IFT88: variants seen among roughly 807,000 people sequenced by gnomAD.
The protein encoded by IFT88 is intraflagellar transport protein 88 homolog.
IFT88 carries 74 observed loss-of-function variants against 119.5 expected under a neutral mutation model. The observed-to-expected ratio is 0.62, with a 90% CI of 0.51 to 0.75. The LOEUF (loss-of-function observed/expected upper bound fraction) is 0.75, where lower values mean the gene tolerates loss of function less well. IFT88 is among the 30% of genes least tolerant of loss of function. The pLI is 0.00. For synonymous variants in IFT88, 279 were observed against 316.7 expected (o/e 0.88, Z 1.26); for missense variants, 961 against 977.7 (o/e 0.98, Z 0.23).
Position 20,605,020 on chromosome 13 carries a change from A to T in IFT88, c.1042-15A>T. ...TTCTGAATTATTCTTTTTTTCTTCC[A>T]TTTTATTTTACCAGGATGATCCTCA... On this transcript the variant is annotated splice_polypyrimidine_tract_variant and intron_variant, in intron 12 of 25. Coordinates refer to ENST00000351808, the MANE Select transcript of IFT88 (RefSeq NM_006531.5). 1 of 1,286,722 alleles carries T rather than the reference A, an allele frequency of 7.8e-7. No homozygotes were observed. The highest frequency in any genetic ancestry group is 1.1e-6 in the Non-Finnish European group (1 of 896,804). The allele number at this position is 1,286,722 out of a possible 1,614,324, so 79.7% of individuals were successfully genotyped here.
chr13:20,650,357 A>G (rs963498700), intron 20 of IFT88, among the ~76,000 whole-genome samples: 4 of 152,194 alleles, frequency 2.6e-5, no homozygotes, highest in African/African-American at 9.6e-5. Flanking sequence ...CATTAATAGA[A>G]TGAAGAAAAA....
intron 24 of IFT88, among the ~76,000 whole-genome samples, chr13:20,673,804 A>G (rs1594840020): frequency 6.6e-6 from 1 of 151,980 alleles, no homozygotes. Flanking sequence ...TCCAACACAA[A>G]TAGTCAGTTC....
At chr13:20,673,174 G>T (rs1462859425) in intron 24 of IFT88, among the ~76,000 whole-genome samples, 2 of 152,144 alleles carry the variant, frequency 1.3e-5, no homozygotes, top group Non-Finnish European at 2.9e-5. Context: ...CTTAAGTTCA[G>T]AATAACCAAC....
intron 2 of IFT88, among the ~76,000 whole-genome samples, chr13:20,581,027 A>G (rs918816460): frequency 6.6e-6 from 1 of 152,108 alleles, no homozygotes; most frequent in Non-Finnish European, 1.5e-5. Context: ...CCCGGCCTGA[A>G]GATTATTATT....
At chr13:20,611,816 G>A (rs1055223463) in intron 13 of IFT88, among the ~76,000 whole-genome samples, 1 of 152,044 alleles carries the variant, frequency 6.6e-6, no homozygotes, top group East Asian at 2.0e-4. Context: ...GTGTTGGCCA[G>A]GCTGGTCTTG....
At chr13:20,590,443 A>G (rs1343680381) in intron 4 of IFT88, among the ~76,000 whole-genome samples, 2 of 152,196 alleles carry the variant, frequency 1.3e-5, no homozygotes, top group East Asian at 1.9e-4. Context: ...AGTCAAAAAA[A>G]TATCTTCAGA....
intron 15 of IFT88, among the ~76,000 whole-genome samples, chr13:20,630,466 T>A (rs1211911810): frequency 6.6e-6 from 1 of 152,200 alleles, no homozygotes; most frequent in Admixed American, 6.5e-5. Context: ...TTTGATCACA[T>A]CTCTTAGGCA....
intron 24 of IFT88, among the ~76,000 whole-genome samples, chr13:20,683,767 G>A (rs1212792675): frequency 6.6e-6 from 1 of 152,086 alleles, no homozygotes; most frequent in Non-Finnish European, 1.5e-5. Flanking sequence ...TTGTTTATTT[G>A]TGCTTCCAAA....
Position 20,653,902 on chromosome 13 carries a change from T to G in IFT88, c.1976T>G (p.Met659Arg), listed in dbSNP as rs2052256164. The G allele has an allele frequency of 6.3e-7, 1 of 1,585,518 alleles. No individual in the cohort carries two copies. Among genetic ancestry groups the G allele is most frequent in the South Asian group, 1.2e-5 (1 of 86,312 alleles). Residue 659 changes from methionine (M) to arginine (R), a missense_variant, in exon 21 of 26, where the codon ATG (methionine) becomes AGG (arginine). Physicochemically the swap from Met to Arg is moderately conservative, Grantham distance 91. Coordinates refer to ENST00000351808, the MANE Select transcript of IFT88 (RefSeq NM_006531.5). The stretch of plus-strand genomic sequence containing the variant: ...CCTACACAAGTGAAATGGCAGCTGA[T>G]GGTAGCTAGTTGTTTCAGAAGAAGT... ...IQPTQVKWQL[M>R]VASCFRRSGN...
intron 16 of IFT88, among the ~76,000 whole-genome samples, chr13:20,635,840 A>G (rs1006458821): frequency 2.0e-5 from 3 of 152,080 alleles, no homozygotes; most frequent in Non-Finnish European, 4.4e-5. Context: ...GTGTATACCT[A>G]TGTAACAAAC....
At chr13:20,673,976 C>T (rs2056291790) in intron 24 of IFT88, among the ~76,000 whole-genome samples, 1 of 152,178 alleles carries the variant, frequency 6.6e-6, no homozygotes, top group Admixed American at 6.5e-5. Flanking sequence ...CCATCATTTG[C>T]CTTTTCGTTC....
chr13:20,603,336 G>A (rs988295531), intron 12 of IFT88, among the ~76,000 whole-genome samples: 3 of 148,730 alleles, frequency 2.0e-5, no homozygotes, highest in East Asian at 2.0e-4. Context: ...TGCAGGAGCC[G>A]AGATCGCACT....
intron 2 of IFT88, among the ~76,000 whole-genome samples, chr13:20,579,652 G>C (rs2038151164): frequency 6.6e-6 from 1 of 152,168 alleles, no homozygotes; most frequent in South Asian, 2.1e-4. Context: ...CACTGTGGCT[G>C]AGCTGATACC....
chr13:20,615,216 A>C lies in IFT88; in HGVS notation c.1113-577A>C, dbSNP rs779535274. Among the ~76,000 whole-genome samples, 16 of 152,182 alleles carry C rather than the reference A, an allele frequency of 1.1e-4. 1 individual carries two copies. The highest frequency in any genetic ancestry group is 2.0e-4 in the Admixed American group (3 of 15,276). On this transcript the variant is annotated intron_variant, in intron 13 of 25. Transcript: ENST00000351808. ...TTTTAAAAACCACTACTTATATATA[A>C]ATTCAAGAAGAAATGACTAAGAGAA...
intron 20 of IFT88, among the ~76,000 whole-genome samples, chr13:20,648,712 T>G (rs972691630): frequency 6.6e-6 from 1 of 152,102 alleles, no homozygotes; most frequent in African/African-American, 2.4e-5. Context: ...AACTTTCCCA[T>G]TAAAAGAAAA....
intron 18 of IFT88, 76 bp downstream of exon 18, chr13:20,641,474 T>G (rs1227071160): frequency 5.9e-6 from 5 of 846,644 alleles, no homozygotes; most frequent in Non-Finnish European, 9.6e-6. Flanking sequence ...TTAAATAAGT[T>G]TAACTAATGA....
chr13:20,598,725 A>G lies in IFT88; in HGVS notation c.669A>G (p.Ile223Met), dbSNP rs758623992. Reference protein sequence around the residue: ...YAEALNTYQVIVKNKMFSNAG... With the variant: ...YAEALNTYQVMVKNKMFSNAG... ...AAGCACTTAACACTTATCAAGTTATAGTCAAAAATAAGATGTTTAGCAATG... is the reference window on the plus strand; with the variant it reads ...AAGCACTTAACACTTATCAAGTTATGGTCAAAAATAAGATGTTTAGCAATG... The change falls in exon 10 of 26, where the codon ATA (isoleucine) becomes ATG (methionine). Residue 223 changes from isoleucine to methionine, a missense_variant. Coordinates refer to ENST00000351808, the MANE Select transcript of IFT88 (RefSeq NM_006531.5). 1 of 1,607,998 alleles carries G rather than the reference A, an allele frequency of 6.2e-7. No homozygotes were observed. The highest frequency in any genetic ancestry group is 1.1e-5 in the South Asian group (1 of 90,878).
At chr13:20,665,183 T>G (rs984781355) in intron 23 of IFT88, among the ~76,000 whole-genome samples, 11 of 152,162 alleles carry the variant, frequency 7.2e-5, no homozygotes, top group Middle Eastern at 3.2e-3. Flanking sequence ...ACTATTCAAA[T>G]ACAGAAATGC....
At position 20,631,092 on chromosome 13, in the gene IFT88, T is replaced by C; in HGVS notation, c.1376T>C (p.Leu459Pro). The C allele has an allele frequency of 6.3e-7, 1 of 1,594,318 alleles. No individual in the cohort carries two copies. Among genetic ancestry groups the C allele is most frequent in the South Asian group, 1.1e-5 (1 of 90,656 alleles). Residue 459 changes from leucine (L) to proline (P), a missense_variant, in exon 16 of 26, where the codon CTG (leucine) becomes CCG (proline). Leu to Pro is a moderately conservative substitution (Grantham distance 98, BLOSUM62 -3). Coordinates refer to ENST00000351808, the MANE Select transcript of IFT88 (RefSeq NM_006531.5). ...GCAGCTGCAACCAATCTCTCAGCCC[T>C]GTATTATATGGTAAGTTTTTTTACT... ...KSAAATNLSA[L>P]YYMGKDFAQA...
Sources: allele counts gnomAD v4.1 joint callset (sites outside exome capture counted in the v4.1 genomes callset), GRCh38; gene constraint gnomAD v4.1.1; transcripts MANE v1.5; gene names NCBI Gene and HGNC (gene_info 2026-07-23, HGNC 2026-07-21).